Variants in LOXL2 observed in about 807,000 individuals in gnomAD.
LOXL2 encodes lysyl oxidase homolog 2.
A neutral mutation model predicts 93.0 loss-of-function variants in LOXL2; 70 were observed. That is an observed-to-expected ratio of 0.75 (90% CI 0.62 to 0.92). The LOEUF (loss-of-function observed/expected upper bound fraction) is 0.92, where lower values mean the gene tolerates loss of function less well. Ranked by LOEUF, LOXL2 falls within the 40% of genes least tolerant of loss-of-function variation. The pLI, the probability that LOXL2 is intolerant of heterozygous loss-of-function variation, is 0.00. For missense variants in LOXL2, 973 were observed against 1,054.9 expected (o/e 0.92, Z 1.08); for synonymous variants, 438 against 413.2 (o/e 1.06, Z -0.73).
intron 6 of LOXL2, among the ~76,000 whole-genome samples, chr8:23,323,112 T>C (rs57561647): frequency 0.016 from 2,396 of 152,318 alleles, 72 homozygotes; most frequent in African/African-American, 0.055. Context: ...TTCTATTTCC[T>C]TGGAAACTCA....
At chr8:23,318,807 G>A (rs1339363745) in intron 8 of LOXL2, among the ~76,000 whole-genome samples, 1 of 152,246 alleles carries the variant, frequency 6.6e-6, no homozygotes, top group African/African-American at 2.4e-5. Context: ...CTCCCAGAGG[G>A]CGTAAGCAGC....
chr8:23,358,845 AT>A (rs5890105), intron 3 of LOXL2, among the ~76,000 whole-genome samples: 207 of 135,638 alleles, frequency 1.5e-3, no homozygotes, highest in Admixed American at 2.6e-3. Flanking sequence ...CAGTACCTGC[AT>A]TTTTTTTTTT....
intron 12 of LOXL2, among the ~76,000 whole-genome samples, chr8:23,301,057 G>A (rs904310038): frequency 2.0e-5 from 3 of 152,226 alleles, no homozygotes; most frequent in African/African-American, 7.2e-5. Context: ...CTTCTCTGAA[G>A]GTGTTGTTTC....
At chr8:23,340,959 C>T (rs761668122) in intron 4 of LOXL2, 33 bp downstream of exon 4, 4 of 1,586,846 alleles carry the variant, frequency 2.5e-6, no homozygotes, top group East Asian at 4.5e-5. Context: ...GGCGGATACC[C>T]TCAAAGCCAC....
Position 23,303,370 on chromosome 8 carries a change from G to A in LOXL2, c.1908C>T (p.Thr636=). ...HRHYHSMEVF[T]HYDLLNLNGT... ...CATTGAGGTTCAGCAGGTCATAGTGGGTGAACACCTCCATGCTGTGGTAGT... is the reference window on the plus strand; with the variant it reads ...CATTGAGGTTCAGCAGGTCATAGTGAGTGAACACCTCCATGCTGTGGTAGT... Residue 636 remains threonine, a synonymous_variant, in exon 11 of 14, where the codon ACC becomes ACT. Coordinates refer to ENST00000389131, the MANE Select transcript of LOXL2 (RefSeq NM_002318.3). 6.2e-7 allele frequency: 1 copy of A among 1,612,480 alleles called. No individual in the cohort carries two copies. Among genetic ancestry groups the A allele is most frequent in the Non-Finnish European group, 8.5e-7 (1 of 1,178,770 alleles).
At chr8:23,349,921 T>C (rs1421021684) in intron 3 of LOXL2, among the ~76,000 whole-genome samples, 3 of 152,092 alleles carry the variant, frequency 2.0e-5, no homozygotes, top group African/African-American at 7.2e-5. Context: ...AAGTCCAACA[T>C]TTTAATAAAG....
chr8:23,368,604 C>T (rs912290864), intron 1 of LOXL2, among the ~76,000 whole-genome samples, 170 bp from the exon 2 acceptor site: 1 of 152,218 alleles, frequency 6.6e-6, no homozygotes, highest in Non-Finnish European at 1.5e-5. Flanking sequence ...GGTCCCACCT[C>T]CTTTACCTAC....
Position 23,334,919 on chromosome 8 carries a change from G to A in LOXL2, c.744-1296C>T, listed in dbSNP as rs1397899253. Among the ~76,000 whole-genome samples, 5 of 151,618 alleles carry A rather than the reference G, an allele frequency of 3.3e-5. No homozygotes were observed. In the South Asian group the frequency reaches 1.0e-3, roughly 32 times the overall value. On this transcript the variant is annotated intron_variant, in intron 4 of 13. Transcript: ENST00000389131. ...GCAACCTCCACCTCCCAGGTTCAAG[G>A]AATTCTCCTGCTTCAGCCTCCCGTG...
In LOXL2 at chr8:23,317,057, T is replaced by C; in HGVS notation, c.1528A>G (p.Lys510Glu). Reference protein sequence around the residue: ...NSNKVVMSGVKCSGTELSLAH... With the variant: ...NSNKVVMSGVECSGTELSLAH... ...AGGGACAGCTCCGTTCCCGAGCACTTCACTCCACTCATGACCACTTTGTTG... is the reference window on the plus strand; with the variant it reads ...AGGGACAGCTCCGTTCCCGAGCACTCCACTCCACTCATGACCACTTTGTTG... Residue 510 changes from lysine (K) to glutamate (E), a missense_variant, in exon 9 of 14, where the codon AAG (lysine) becomes GAG (glutamate). By Grantham distance (56) the Lys-to-Glu change is moderately conservative. Coordinates refer to ENST00000389131, the MANE Select transcript of LOXL2 (RefSeq NM_002318.3). 6.2e-7 allele frequency: 1 copy of C among 1,614,206 alleles called. No homozygotes were observed. The highest frequency in any genetic ancestry group is 1.1e-5 in the South Asian group (1 of 91,088).
rs370934025 is a variant in LOXL2, at chr8:23,374,779, C to T, written c.-83-6345G>A. Among the ~76,000 whole-genome samples, 16 of 152,312 alleles carry T rather than the reference C, an allele frequency of 1.1e-4. No individual in the cohort carries two copies. In the East Asian group the frequency reaches 2.5e-3, roughly 24 times the overall value. On this transcript the variant is annotated intron_variant, in intron 1 of 13. Transcript: ENST00000389131. The stretch of plus-strand genomic sequence containing the variant: ...AGAAGTGTCTGTTCATATCCTTCAC[C>T]TACTTTTTGATGGGATTGTTTTTAT...
chr8:23,380,003 G>A (rs541079143), intron 1 of LOXL2, among the ~76,000 whole-genome samples: 1 of 152,312 alleles, frequency 6.6e-6, no homozygotes, highest in African/African-American at 2.4e-5. Flanking sequence ...AGTTGGAAAT[G>A]CAGAAATCAC....
chr8:23,306,940 C>A (rs1411662939), intron 10 of LOXL2, among the ~76,000 whole-genome samples: 1 of 152,214 alleles, frequency 6.6e-6, no homozygotes, highest in Non-Finnish European at 1.5e-5. Context: ...GCACTTTCCT[C>A]CAGGTCTGGT....
At chr8:23,336,856 G>C (rs1018417486) in intron 4 of LOXL2, 23 of 152,160 alleles carry the variant, frequency 1.5e-4, no homozygotes, top group African/African-American at 5.1e-4. Context: ...GCTCATCCTG[G>C]TGAAAGGTGT....
chr8:23,324,630 C>T (rs183261805), intron 6 of LOXL2, among the ~76,000 whole-genome samples: 6 of 152,298 alleles, frequency 3.9e-5, no homozygotes, highest in Admixed American at 3.3e-4. Flanking sequence ...CTCATGGTGC[C>T]TTCCCCGTCT....
intron 1 of LOXL2, among the ~76,000 whole-genome samples, chr8:23,383,691 T>G (rs1322640901): frequency 2.8e-4 from 38 of 136,146 alleles, no homozygotes; most frequent in African/African-American, 1.1e-3. Flanking sequence ...GACAGAGTCT[T>G]GCTCTGTCGT....
chr8:23,320,618 A>T (rs897087624), intron 7 of LOXL2, among the ~76,000 whole-genome samples: 1 of 152,294 alleles, frequency 6.6e-6, no homozygotes, highest in South Asian at 2.1e-4. Flanking sequence ...ACTTTATCTT[A>T]AAAAAGAGGC....
intron 3 of LOXL2, among the ~76,000 whole-genome samples, chr8:23,348,634 T>C (rs1804033922): frequency 6.6e-6 from 1 of 151,584 alleles, no homozygotes; most frequent in Non-Finnish European, 1.5e-5. Context: ...TCCTAGCACT[T>C]TGGGAGGCCG....
At chr8:23,317,961 AGT>A (rs533583481) in intron 8 of LOXL2, among the ~76,000 whole-genome samples, 84,156 of 151,800 alleles carry the variant, frequency 0.55, 25,699 homozygotes, top group Non-Finnish European at 0.69. Flanking sequence ...TGGAAGTATT[AGT>A]ATCTCATCTA....
rs142986923 is a variant in LOXL2 at position 23,327,482 on chromosome 8, C to G, written c.1150+900G>C. Among the ~76,000 whole-genome samples the G allele has an allele frequency of 6.7e-4, 102 of 152,300 alleles. No individual in the cohort carries two copies. In the East Asian group the frequency reaches 0.016, roughly 24 times the overall value. ...CTGGACAGGCCACCCCACCGCTTGTCTGTAGCCTATTCTGCTTCCTACCTA... is the reference window on the plus strand; with the variant it reads ...CTGGACAGGCCACCCCACCGCTTGTGTGTAGCCTATTCTGCTTCCTACCTA... On this transcript the variant is annotated intron_variant, in intron 6 of 13. Coordinates refer to ENST00000389131, the MANE Select transcript of LOXL2 (RefSeq NM_002318.3).
Sources: gnomAD v4.1 joint callset for allele counts (sites outside exome capture counted in the v4.1 genomes callset) on GRCh38, gnomAD v4.1.1 for gene constraint, MANE v1.5 for transcripts, NCBI Gene and HGNC (gene_info 2026-07-23, HGNC 2026-07-21) for gene names.